AHR: variants seen among roughly 807,000 people sequenced by gnomAD.
The protein encoded by AHR is aryl hydrocarbon receptor, also known as AH-receptor.
In AHR, 40 loss-of-function variants were observed where a neutral mutation model predicts 86.8. The ratio of observed to expected loss-of-function variants is 0.46; its 90% CI spans 0.36 to 0.60. The LOEUF is 0.60. AHR is among the 20% of genes least tolerant of loss of function. The probability of loss-of-function intolerance (pLI) is 0.00; values close to 1 mark genes in which losing one functional copy is unlikely to be tolerated. For synonymous variants in AHR, 398 were observed against 354.9 expected, an observed-to-expected ratio of 1.12 and a Z score of -1.37; for missense variants, 1,001 against 1,011.6, an observed-to-expected ratio of 0.99 and a Z score of 0.14.
At chr7:17,315,887 T>G (rs761696725) in intron 2 of AHR, among the ~76,000 whole-genome samples, 13 of 152,146 alleles carry the variant, frequency 8.5e-5, no homozygotes, top group Admixed American at 2.0e-4. Flanking sequence ...ATTCGTTTAT[T>G]TGCTTATGGC....
chr7:17,333,790 C>T (rs901228188), intron 6 of AHR, 122 bp from the exon 7 acceptor site: 6 of 719,602 alleles, frequency 8.3e-6, no homozygotes, highest in Non-Finnish European at 1.4e-5. Flanking sequence ...CAGTTCTCAG[C>T]TTCAGGAATA....
chr7:17,309,573 A>G (rs1231435252), intron 1 of AHR, among the ~76,000 whole-genome samples: 2 of 152,210 alleles, frequency 1.3e-5, no homozygotes, highest in East Asian at 3.8e-4. Flanking sequence ...TTTTCATATA[A>G]TTTATCACAA....
intron 2 of AHR, among the ~76,000 whole-genome samples, chr7:17,310,359 T>C (rs1258324040): frequency 2.0e-5 from 3 of 152,166 alleles, no homozygotes; most frequent in Non-Finnish European, 2.9e-5. Context: ...TTGAAAATCA[T>C]ATATTTAGAA....
intron 2 of AHR, among the ~76,000 whole-genome samples, chr7:17,313,930 G>A (rs1309687216): frequency 6.6e-6 from 1 of 152,082 alleles, no homozygotes; most frequent in Non-Finnish European, 1.5e-5. Flanking sequence ...GTTAAACAGT[G>A]TACACTGGGC....
chr7:17,304,617 G>C (rs1207675967), intron 1 of AHR, among the ~76,000 whole-genome samples: 1 of 152,094 alleles, frequency 6.6e-6, no homozygotes, highest in African/African-American at 2.4e-5. Flanking sequence ...ACCCGATTTA[G>C]ATGCCACATC....
At chr7:17,338,258 A>G (rs1199092326) in intron 9 of AHR, among the ~76,000 whole-genome samples, 2 of 81,804 alleles carry the variant, frequency 2.4e-5, no homozygotes, top group African/African-American at 1.0e-4. Flanking sequence ...AGTAATTTTC[A>G]TATTATTATG....
chr7:17,320,075 A>G (rs1307869511), intron 2 of AHR, among the ~76,000 whole-genome samples: 2 of 152,120 alleles, frequency 1.3e-5, no homozygotes, highest in East Asian at 1.9e-4. Flanking sequence ...TACACATATT[A>G]TCTATCATCC....
At position 17,330,747 on chromosome 7, in the gene AHR, T is replaced by C; in HGVS notation, c.575-9T>C. On this transcript the variant is annotated splice_polypyrimidine_tract_variant and intron_variant, in intron 5 of 10. Transcript: ENST00000242057. Reference sequence around the variant, plus strand: ...GAAAGTAAATTTTGTTTTGCCTTTATTTCTACAGAAGCCACTGGTCTCCCC... The same window carrying C: ...GAAAGTAAATTTTGTTTTGCCTTTACTTCTACAGAAGCCACTGGTCTCCCC... 1 of 1,544,000 alleles carries C rather than the reference T, an allele frequency of 6.5e-7. No homozygotes were observed. The highest frequency in any genetic ancestry group is 8.8e-7 in the Non-Finnish European group (1 of 1,142,486).
At chr7:17,342,442 G>A (rs547709872) in intron 10 of AHR, among the ~76,000 whole-genome samples, 1 of 152,022 alleles carries the variant, frequency 6.6e-6, no homozygotes, top group South Asian at 2.1e-4. Context: ...AATATTTTAG[G>A]AATATTTAGA....
chr7:17,303,092 A>G (rs1439636144), intron 1 of AHR, among the ~76,000 whole-genome samples: 2 of 152,080 alleles, frequency 1.3e-5, no homozygotes, highest in African/African-American at 4.8e-5. Flanking sequence ...TTCTACTTTT[A>G]TGCTTCTTTT....
intron 10 of AHR, among the ~76,000 whole-genome samples, chr7:17,342,175 G>A (rs548097018): frequency 3.3e-5 from 5 of 152,152 alleles, no homozygotes; most frequent in South Asian, 4.1e-4. Flanking sequence ...TTTCCAGAAC[G>A]TCCACTAACT....
At chr7:17,328,350 T>C (rs1364186454) in intron 4 of AHR, among the ~76,000 whole-genome samples, 2 of 152,000 alleles carry the variant, frequency 1.3e-5, no homozygotes, top group African/African-American at 2.4e-5. Context: ...ATTGAAGTAC[T>C]GTAAGCATTA....
At chr7:17,311,205 T>C (rs1782060922) in intron 2 of AHR, among the ~76,000 whole-genome samples, 2 of 152,250 alleles carry the variant, frequency 1.3e-5, no homozygotes, top group Non-Finnish European at 2.9e-5. Flanking sequence ...TTTTAAAATA[T>C]CATATAATTT....
chr7:17,313,199 A>G (rs1408125960), intron 2 of AHR, among the ~76,000 whole-genome samples: 1 of 152,116 alleles, frequency 6.6e-6, no homozygotes, highest in Non-Finnish European at 1.5e-5. Context: ...AACATTTCAG[A>G]GCACACAGAG....
chr7:17,321,319 T>C (rs922511249), intron 2 of AHR, among the ~76,000 whole-genome samples: 2 of 151,984 alleles, frequency 1.3e-5, no homozygotes, highest in Non-Finnish European at 2.9e-5. Context: ...TTACATATAT[T>C]CTCATTACTC....
At chr7:17,322,225 A>G (rs966250442) in intron 2 of AHR, among the ~76,000 whole-genome samples, 2 of 152,020 alleles carry the variant, frequency 1.3e-5, no homozygotes, top group Non-Finnish European at 2.9e-5. Flanking sequence ...TGACAAAATT[A>G]TATCGTGAAC....
chr7:17,340,091 T>G lies in AHR; in HGVS notation c.2266T>G (p.Ser756Ala). The G allele has an allele frequency of 6.2e-7, 1 of 1,614,208 alleles. No individual in the cohort carries two copies. The highest frequency in any genetic ancestry group is 8.5e-7 in the Non-Finnish European group (1 of 1,180,028). ...ENQKHGLNPQ[S>A]AIITPQTCYA... is the part of the protein sequence containing the mutation. ...CCAAAAGCATGGATTAAATCCACAG[T>G]CAGCCATAATAACTCCTCAGACATG... The change falls in exon 10 of 11, where the codon TCA becomes GCA. Residue 756 changes from serine to alanine, a missense_variant. By Grantham distance (99) the Ser-to-Ala change is moderately conservative (BLOSUM62 1). This residue lies in a region of AHR where 607 missense variants were observed against 543.1 expected (regional missense o/e 1.12). Transcript: ENST00000242057.
At chr7:17,338,314 G>T (rs1782377892) in intron 9 of AHR, among the ~76,000 whole-genome samples, 1 of 150,828 alleles carries the variant, frequency 6.6e-6, no homozygotes, top group African/African-American at 2.4e-5. Flanking sequence ...GAGGTTAGTT[G>T]TTTCAGATTC....
chr7:17,337,284 T>C (rs1782363425), intron 9 of AHR, among the ~76,000 whole-genome samples: 1 of 152,266 alleles, frequency 6.6e-6, no homozygotes, highest in South Asian at 2.1e-4. Context: ...GTTGGTAAAA[T>C]ATCCCATGTA....
Sources: allele counts gnomAD v4.1 joint callset (sites outside exome capture counted in the v4.1 genomes callset), GRCh38; gene constraint gnomAD v4.1.1; regional missense constraint gnomAD v4.1.1; transcripts MANE v1.5; gene names NCBI Gene and HGNC (gene_info 2026-07-23, HGNC 2026-07-21).